MAD1L1: variants seen among roughly 807,000 people sequenced by gnomAD.
MAD1L1 encodes mitotic spindle assembly checkpoint protein MAD1.
Under a neutral mutation model 96.9 loss-of-function variants are expected in MAD1L1, and 95 were observed. The observed-to-expected ratio is 0.98, with a 90% CI of 0.83 to 1.16. MAD1L1 has a LOEUF of 1.16. Among genes scored for constraint, MAD1L1 ranks in the 50% most tolerant of loss-of-function variants. The pLI, the probability that MAD1L1 is intolerant of heterozygous loss-of-function variation, is 0.00. For missense variants in MAD1L1, 1,007 were observed against 954.4 expected (o/e 1.06, Z -0.73); for synonymous variants, 473 against 396.6 (o/e 1.19, Z -2.29).
chr7:1,882,541 T>G lies in MAD1L1; in HGVS notation c.1998+15659A>C, dbSNP rs562091648. Among the ~76,000 whole-genome samples, 17 of 152,298 alleles carry G rather than the reference T, an allele frequency of 1.1e-4. No individual in the cohort carries two copies. The South Asian group carries it at 2.1e-3, about 19-fold the overall frequency. ...GCTCTGGCTGGAGTCTCCCAGGGAC[T>G]GCTGGGGTGGCCTTGTCAGTTAACT... is the stretch of plus-strand genomic sequence containing the variant. On this transcript the variant is annotated intron_variant, in intron 18 of 18. Transcript: ENST00000265854.
intron 11 of MAD1L1, among the ~76,000 whole-genome samples, chr7:2,098,096 A>G (rs73034445): frequency 0.027 from 4,121 of 152,270 alleles, 97 homozygotes; most frequent in South Asian, 0.09. Context: ...TTCTCGGGGC[A>G]CAGAGGACAG....
At chr7:2,185,615 C>T (rs1434293894) in intron 10 of MAD1L1, among the ~76,000 whole-genome samples, 1 of 151,924 alleles carries the variant, frequency 6.6e-6, no homozygotes. Flanking sequence ...TTCTAAGCCA[C>T]GTGCATGCTT....
chr7:2,020,027 C>A (rs1782714996), intron 12 of MAD1L1, among the ~76,000 whole-genome samples: 1 of 152,252 alleles, frequency 6.6e-6, no homozygotes. Flanking sequence ...ATTTGATCTT[C>A]AGAACCGCCA....
chr7:2,041,773 TCCA>T (rs1213806496), intron 12 of MAD1L1, among the ~76,000 whole-genome samples: 1 of 152,064 alleles, frequency 6.6e-6, no homozygotes, highest in Non-Finnish European at 1.5e-5. Context: ...AGTAGAAAAC[TCCA>T]CAAGACAGTC....
At chr7:1,972,134 CAT>C (rs1780431698) in intron 15 of MAD1L1, among the ~76,000 whole-genome samples, 1 of 152,222 alleles carries the variant, frequency 6.6e-6, no homozygotes. Flanking sequence ...CGTGATCTGT[CAT>C]ATGTGTGGAT....
At chr7:1,872,217 C>T (rs553082632) in intron 18 of MAD1L1, among the ~76,000 whole-genome samples, 10 of 152,346 alleles carry the variant, frequency 6.6e-5, no homozygotes, top group South Asian at 6.2e-4. Flanking sequence ...GTGAGCCCCA[C>T]GGGGTGCTGC....
rs1293745269 is a variant in MAD1L1, at chr7:1,827,463, C to T, written c.1999-11235G>A. ...GTGTGGGGTCCTCCCCTCCTGAGCC[C>T]GTCGCGGGTGTGGGGGCCTCCCCTC... is the stretch of plus-strand genomic sequence containing the variant. On this transcript the variant is annotated intron_variant, in intron 18 of 18. Transcript: ENST00000265854. Among the ~76,000 whole-genome samples the T allele has an allele frequency of 4.2e-5, 4 of 94,966 alleles. No homozygotes were observed. The South Asian group carries it at 8.8e-4, about 21-fold the overall frequency. 62.3% of individuals were successfully genotyped at this position (94,966 alleles called of 152,430 possible). A position where few individuals can be genotyped will look rare whatever the true frequency, so the allele number is the denominator to read the frequency against.
Position 1,976,366 on chromosome 7 carries a change from C to T in MAD1L1, c.1505+4087G>A, listed in dbSNP as rs537919712. On this transcript the variant is annotated intron_variant, in intron 15 of 18. Coordinates refer to ENST00000265854, the MANE Select transcript of MAD1L1 (RefSeq NM_001013836.2). The stretch of plus-strand genomic sequence containing the variant: ...TTCTTTCTTCTGGTGGGTTCGTGGT[C>T]TTGCTGGCTTCAGGAGTGAAGCTGC... Among the ~76,000 whole-genome samples the T allele has an allele frequency of 5.9e-5, 9 of 152,324 alleles. No homozygotes were observed. The South Asian group carries it at 1.9e-3, about 32-fold the overall frequency.
intron 15 of MAD1L1, among the ~76,000 whole-genome samples, chr7:1,962,564 G>GCCTTGC (rs1331107791): frequency 6.6e-6 from 1 of 152,096 alleles, no homozygotes; most frequent in South Asian, 2.1e-4. Flanking sequence ...TCTGATAAAG[G>GCCTTGC]CCTTGTATCC....
rs151152975 is a variant in MAD1L1, at chr7:1,925,127, GC to G, written c.1807+11559del. Among the ~76,000 whole-genome samples the G allele has an allele frequency of 7.2e-3, 1,102 of 152,210 alleles. 10 individuals are homozygous for G. Among genetic ancestry groups the G allele is most frequent in the African/African-American group, 0.025 (1,055 of 41,526 alleles). On this transcript the variant is annotated intron_variant, in intron 17 of 18. Transcript: ENST00000265854. ...TAAAAAATTACATTAACTATAAATG[GC>G]CAAAACACATCTATTAATCGGCAGA...
At chr7:2,139,743 C>T (rs73039218) in intron 11 of MAD1L1, among the ~76,000 whole-genome samples, 6,486 of 152,294 alleles carry the variant, frequency 0.043, 188 homozygotes, top group African/African-American at 0.081. Context: ...CAGCAGGGGC[C>T]AGTGTGAGGG....
At chr7:2,014,397 G>A (rs1782436960) in intron 13 of MAD1L1, 105 bp downstream of exon 13, 1 of 1,390,502 alleles carries the variant, frequency 7.2e-7, no homozygotes, top group Non-Finnish European at 9.5e-7. Context: ...CCGGGAACTG[G>A]GGAGGCGGGG....
At chr7:2,220,152 G>C (rs1399947993) in intron 5 of MAD1L1, among the ~76,000 whole-genome samples, 2 of 152,224 alleles carry the variant, frequency 1.3e-5, no homozygotes, top group African/African-American at 4.8e-5. Context: ...ACAGGACAAA[G>C]ACGGAGGCTG....
intron 11 of MAD1L1, among the ~76,000 whole-genome samples, chr7:2,133,646 C>T (rs984203203): frequency 1.3e-5 from 2 of 152,164 alleles, no homozygotes; most frequent in Admixed American, 6.6e-5. Context: ...TAGATATTTC[C>T]GCCGCTATCT....
In MAD1L1 at chr7:1,875,234, C is replaced by T. The variant is rs549502311; in HGVS notation, c.1998+22966G>A. ...CCTGCTGCTGCCCTGCCCGCCCCCA[C>T]GGCTGCACTCAAGCCTGCGCTGTGC... On this transcript the variant is annotated intron_variant, in intron 18 of 18. Coordinates refer to ENST00000265854, the MANE Select transcript of MAD1L1 (RefSeq NM_001013836.2). Among the ~76,000 whole-genome samples, 363 of 152,346 alleles carry T rather than the reference C, an allele frequency of 2.4e-3. 1 individual carries two copies. The highest frequency in any genetic ancestry group is 8.3e-3 in the African/African-American group (347 of 41,580).
At chr7:2,123,196 G>A (rs1214414332) in intron 11 of MAD1L1, among the ~76,000 whole-genome samples, 1 of 151,894 alleles carries the variant, frequency 6.6e-6, no homozygotes. Context: ...TCAGCTACTC[G>A]GGAGGCTGAG....
At chr7:2,021,991 T>A (rs1782808670) in intron 12 of MAD1L1, among the ~76,000 whole-genome samples, 1 of 151,880 alleles carries the variant, frequency 6.6e-6, no homozygotes, top group Non-Finnish European at 1.5e-5. Context: ...AGTCTCACTC[T>A]GTTGCCCAGG....
At chr7:2,163,308 G>A (rs1183066700) in intron 10 of MAD1L1, among the ~76,000 whole-genome samples, 2 of 152,214 alleles carry the variant, frequency 1.3e-5, no homozygotes, top group African/African-American at 2.4e-5. Flanking sequence ...ACTAGGGAAG[G>A]TCCACATGTT....
At position 1,881,724 on chromosome 7, in the gene MAD1L1, G is replaced by A. The variant is rs1012122489; in HGVS notation, c.1998+16476C>T. Among the ~76,000 whole-genome samples, 7 of 152,298 alleles carry A rather than the reference G, an allele frequency of 4.6e-5. 1 individual carries two copies. The East Asian group carries it at 7.7e-4, about 17-fold the overall frequency. The stretch of plus-strand genomic sequence containing the variant: ...AAACAAAACGATCTGTCACAGACCC[G>A]ACTTCACCAGGAAACAGACATGAAG... On this transcript the variant is annotated intron_variant, in intron 18 of 18. Coordinates refer to ENST00000265854, the MANE Select transcript of MAD1L1 (RefSeq NM_001013836.2).
Sources: gnomAD v4.1 joint callset for allele counts (sites outside exome capture counted in the v4.1 genomes callset) on GRCh38, gnomAD v4.1.1 for gene constraint, MANE v1.5 for transcripts, NCBI Gene and HGNC (gene_info 2026-07-23, HGNC 2026-07-21) for gene names.